The following KCTD12 variants were observed in gnomAD, a reference collection of about 807,000 sequenced individuals.
KCTD12 encodes potassium channel tetramerization domain containing 12, also known as BTB/POZ domain-containing protein KCTD12.
A neutral mutation model predicts 22.6 loss-of-function variants in KCTD12; 16 were observed. The ratio of observed to expected loss-of-function variants is 0.71; its 90% CI spans 0.48 to 1.07. The LOEUF (loss-of-function observed/expected upper bound fraction) is 1.07. Among genes scored for constraint, KCTD12 ranks in the 50% least tolerant of loss-of-function variants. The pLI, the probability that KCTD12 is intolerant of heterozygous loss-of-function variation, is 0.00. For synonymous variants in KCTD12, 260 were observed against 228.0 expected, an observed-to-expected ratio of 1.14 and a Z score of -1.26; for missense variants, 452 against 469.2, an observed-to-expected ratio of 0.96 and a Z score of 0.34.
At position 76,883,721 on chromosome 13, in the gene KCTD12, A is replaced by C. The variant is rs1011977889; in HGVS notation, c.*1450T>G. The C allele has an allele frequency of 6.6e-6, 1 of 152,658 alleles. No individual in the cohort carries two copies. The highest frequency in any genetic ancestry group is 1.5e-5 in the Non-Finnish European group (1 of 68,048). 9.5% of individuals were successfully genotyped at this position (152,658 alleles called of 1,614,324 possible). A position where few individuals can be genotyped will look rare whatever the true frequency, so the allele number is the denominator to read the frequency against. ...ACTTAACTTCAAACAAACTGCATGA[A>C]AGTGGCATTTTCAGGTTTTCAGGTT... is the stretch of plus-strand genomic sequence containing the variant. On this transcript the variant is annotated 3_prime_UTR_variant, in exon 1 of 1. Coordinates refer to ENST00000377474, the MANE Select transcript of KCTD12 (RefSeq NM_138444.4).
chr13:76,885,214 T>G lies in KCTD12; in HGVS notation c.935A>C (p.Lys312Thr), dbSNP rs1490137214. The change falls in exon 1 of 1, where the codon AAG becomes ACG. Residue 312 changes from lysine to threonine, a missense_variant. Physicochemically the swap from Lys to Thr is moderately conservative, Grantham distance 78 (BLOSUM62 -1). Around this residue, in one of 2 missense-constraint regions of KCTD12, gnomAD observed 122 missense variants for 172.8 expected, o/e 0.71. Coordinates refer to ENST00000377474, the MANE Select transcript of KCTD12 (RefSeq NM_138444.4). This position sits in a 1 kb window ranked among gnomAD's most constrained non-coding sequence, Gnocchi z 5.1. ...GTACTCGGTGTAGCTGGTCCAGATC[T>G]TGTCCTCGCTCTGGTCGGTGCTGCT... is the stretch of plus-strand genomic sequence containing the variant. ...FASSTDQSED[K>T]IWTSYTEYVF... 6.2e-7 allele frequency: 1 copy of G among 1,614,082 alleles called. No individual in the cohort carries two copies. Among genetic ancestry groups the G allele is most frequent in the South Asian group, 1.1e-5 (1 of 91,070 alleles).
Position 76,885,053 on chromosome 13 carries a change from TGGAGG to T in KCTD12, c.*113_*117del. On this transcript the variant is annotated 3_prime_UTR_variant, in exon 1 of 1. Coordinates refer to ENST00000377474, the MANE Select transcript of KCTD12 (RefSeq NM_138444.4). This position sits in a 1 kb window ranked among gnomAD's most constrained non-coding sequence, Gnocchi z 5.1. ...CGGACAGGTCTCACCCAGCTACTAC[TGGAGG>T]GGGAGAATGGGAGGGCAGCAGCCAG... 1 of 1,166,736 alleles carries T rather than the reference TGGAGG, an allele frequency of 8.6e-7. No individual in the cohort carries two copies. The highest frequency in any genetic ancestry group is 1.2e-6 in the Non-Finnish European group (1 of 832,956). 72.3% of individuals were successfully genotyped at this position (1,166,736 alleles called of 1,614,324 possible).
chr13:76,885,271 G>A lies in KCTD12; in HGVS notation c.878C>T (p.Ala293Val). 1.2e-6 allele frequency: 2 copies of A among 1,613,992 alleles called. No homozygotes were observed. The highest frequency in any genetic ancestry group is 8.5e-7 in the Non-Finnish European group (1 of 1,179,998). Residue 293 changes from alanine (A) to valine (V), a missense_variant, in exon 1 of 1, where the codon GCG becomes GTG. Ala to Val is a moderately conservative substitution (Grantham distance 64). Transcript: ENST00000377474. This position sits in a 1 kb window ranked among gnomAD's most constrained non-coding sequence, Gnocchi z 5.1. Reference sequence around the variant, plus strand: ...GGCGCAGGTGCCCGTGGAGCTGCACGCCACCATGTGGAAGCCCGACTCGGA... The same window carrying A: ...GGCGCAGGTGCCCGTGGAGCTGCACACCACCATGTGGAAGCCCGACTCGGA... ...KLSESGFHMV[A>V]CSSTGTCAFA... is the part of the protein sequence containing the mutation.
chr13:76,886,267 G>GCCGCCGCCGCCACCGCCGCCA lies in KCTD12; in HGVS notation c.-140_-120dup, dbSNP rs1194468084. 8.6e-7 allele frequency: 1 copy of GCCGCCGCCGCCACCGCCGCCA among 1,168,240 alleles called. No homozygotes were observed. The highest frequency in any genetic ancestry group is 1.1e-6 in the Non-Finnish European group (1 of 915,394). The allele number at this position is 1,168,240 out of a possible 1,614,324, so 72.4% of individuals were successfully genotyped here. ...TCGCTCAGCCCTGCGCCCCGCCGCC[G>GCCGCCGCCGCCACCGCCGCCA]CCGCCGCCGCCACCGCCGCCACCGC... On this transcript the variant is annotated 5_prime_UTR_variant, in exon 1 of 1. Transcript: ENST00000377474.
chr13:76,885,615 C>T lies in KCTD12; in HGVS notation c.534G>A (p.Thr178=). The T allele has an allele frequency of 6.6e-7, 1 of 1,504,808 alleles. No individual in the cohort carries two copies. The highest frequency in any genetic ancestry group is 8.8e-7 in the Non-Finnish European group (1 of 1,137,872). 93.2% of individuals were successfully genotyped at this position (1,504,808 alleles called of 1,614,324 possible). A position where few individuals can be genotyped will look rare whatever the true frequency, so the allele number is the denominator to read the frequency against. The part of the protein sequence containing the change: ...EGASAGAPSP[T]LELASRSPSG... The stretch of plus-strand genomic sequence containing the variant: ...ACGGACTGCGGCTAGCCAGCTCCAG[C>T]GTGGGCGACGGCGCCCCGGCAGAGG... Residue 178 remains threonine, a synonymous_variant, in exon 1 of 1, where the codon ACG becomes ACA. Transcript: ENST00000377474. This position sits in a 1 kb window ranked among gnomAD's most constrained non-coding sequence, Gnocchi z 5.1.
rs1200717268 is a variant in KCTD12 at position 76,886,279 on chromosome 13, ACCGCCG to A, written c.-137_-132del. ...GCGCCCCGCCGCCGCCGCCGCCGCC[ACCGCCG>A]CCACCGCCACCGCCGCCACCTCCTA... On this transcript the variant is annotated 5_prime_UTR_variant, in exon 1 of 1. Transcript: ENST00000377474. 1.9e-4 allele frequency: 192 copies of A among 1,030,730 alleles called. No individual in the cohort carries two copies. The East Asian group carries it at 3.1e-3, about 17-fold the overall frequency. The allele number at this position is 1,030,730 out of a possible 1,614,324, so 63.8% of individuals were successfully genotyped here. A position where few individuals can be genotyped will look rare whatever the true frequency, so the allele number is the denominator to read the frequency against.
chr13:76,886,273 G>GCCGCCGCCGCCA lies in KCTD12; in HGVS notation c.-126_-125insTGGCGGCGGCGG. 9.4e-7 allele frequency: 1 copy of GCCGCCGCCGCCA among 1,068,426 alleles called. No individual in the cohort carries two copies. Among genetic ancestry groups the GCCGCCGCCGCCA allele is most frequent in the Admixed American group, 4.5e-5 (1 of 22,374 alleles). The allele number at this position is 1,068,426 out of a possible 1,614,324, so 66.2% of individuals were successfully genotyped here. On this transcript the variant is annotated 5_prime_UTR_variant, in exon 1 of 1. Coordinates refer to ENST00000377474, the MANE Select transcript of KCTD12 (RefSeq NM_138444.4). ...AGCCCTGCGCCCCGCCGCCGCCGCCGCCGCCACCGCCGCCACCGCCACCGC... is the reference window on the plus strand; with the variant it reads ...AGCCCTGCGCCCCGCCGCCGCCGCCGCCGCCGCCGCCACCGCCACCGCCGCCACCGCCACCGC...
chr13:76,885,104 G>T lies in KCTD12; in HGVS notation c.*67C>A. On this transcript the variant is annotated 3_prime_UTR_variant, in exon 1 of 1. Transcript: ENST00000377474. This position sits in a 1 kb window ranked among gnomAD's most constrained non-coding sequence, Gnocchi z 5.1. ...GCCAGGGGACAAAGGTGGGACAAGA[G>T]GCTCTGTAATCATCTCTCGGGCAGG... 6.5e-7 allele frequency: 1 copy of T among 1,543,664 alleles called. No individual in the cohort carries two copies. The highest frequency in any genetic ancestry group is 1.2e-5 in the South Asian group (1 of 81,074).
rs1403751359 is a variant in KCTD12, at chr13:76,882,003, A to G, written c.*3168T>C. On this transcript the variant is annotated 3_prime_UTR_variant, in exon 1 of 1. Coordinates refer to ENST00000377474, the MANE Select transcript of KCTD12 (RefSeq NM_138444.4). The stretch of plus-strand genomic sequence containing the variant: ...GATTCATGCAGTGTTAATTATCTGA[A>G]TAATTTATGACATTCTCCCAGGTTA... 6.6e-6 allele frequency: 1 copy of G among 152,226 alleles called. No homozygotes were observed. The highest frequency in any genetic ancestry group is 1.5e-5 in the Non-Finnish European group (1 of 68,042). 9.4% of individuals were successfully genotyped at this position (152,226 alleles called of 1,614,324 possible). A position where few individuals can be genotyped will look rare whatever the true frequency, so the allele number is the denominator to read the frequency against.
rs1013925629 is a variant in KCTD12, at chr13:76,882,469, G to T, written c.*2702C>A. 6.6e-6 allele frequency: 1 copy of T among 152,166 alleles called. No individual in the cohort carries two copies. The highest frequency in any genetic ancestry group is 2.4e-5 in the African/African-American group (1 of 41,434). The allele number at this position is 152,166 out of a possible 1,614,324, so 9.4% of individuals were successfully genotyped here. ...CTCAAAGGTTTACAAGATAACATTT[G>T]TAAGACTTGAGTGACAGAGGCAAAA... On this transcript the variant is annotated 3_prime_UTR_variant, in exon 1 of 1. Transcript: ENST00000377474.
In KCTD12 at chr13:76,885,639, G is replaced by A. The variant is rs1406208880; in HGVS notation, c.510C>T (p.Ala170=). The part of the protein sequence containing the change: ...GYSEPEQQEG[A]SAGAPSPTLE... ...GCGTGGGCGACGGCGCCCCGGCAGA[G>A]GCGCCCTCCTGCTGTTCGGGCTCCG... is the stretch of plus-strand genomic sequence containing the variant. Residue 170 remains alanine (A), a synonymous_variant, in exon 1 of 1, where the codon GCC becomes GCT. Coordinates refer to ENST00000377474, the MANE Select transcript of KCTD12 (RefSeq NM_138444.4). The surrounding 1 kb of genome is among the most constrained non-coding windows in gnomAD (Gnocchi z 5.1). The A allele has an allele frequency of 4.7e-6, 7 of 1,496,380 alleles. No homozygotes were observed. In the African/African-American group the frequency reaches 8.6e-5, roughly 18 times the overall value. The allele number at this position is 1,496,380 out of a possible 1,614,324, so 92.7% of individuals were successfully genotyped here. A position where few individuals can be genotyped will look rare whatever the true frequency, so the allele number is the denominator to read the frequency against.
At position 76,880,202 on chromosome 13, in the gene KCTD12, G is replaced by T. The variant is rs2033188085; in HGVS notation, c.*4969C>A. 6.6e-6 allele frequency: 1 copy of T among 152,640 alleles called. No individual in the cohort carries two copies. Among genetic ancestry groups the T allele is most frequent in the South Asian group, 2.1e-4 (1 of 4,830 alleles). 9.5% of individuals were successfully genotyped at this position (152,640 alleles called of 1,614,324 possible). Reference sequence around the variant, plus strand: ...AAAGGAGTGAATGTTTTATTCTTTAGTGTTTAATTGAATACATAACAAGTC... The same window carrying T: ...AAAGGAGTGAATGTTTTATTCTTTATTGTTTAATTGAATACATAACAAGTC... On this transcript the variant is annotated 3_prime_UTR_variant, in exon 1 of 1. Transcript: ENST00000377474.
In KCTD12 at chr13:76,885,737, C is replaced by T; in HGVS notation, c.412G>A (p.Gly138Arg). The T allele has an allele frequency of 7.0e-7, 1 of 1,424,264 alleles. No homozygotes were observed. Among genetic ancestry groups the T allele is most frequent in the Non-Finnish European group, 9.1e-7 (1 of 1,102,804 alleles). 88.2% of individuals were successfully genotyped at this position (1,424,264 alleles called of 1,614,324 possible). Residue 138 changes from glycine to arginine, a missense_variant, in exon 1 of 1, where the codon GGG becomes AGG. Gly to Arg is a moderately radical substitution (Grantham distance 125). Around this residue, in one of 2 missense-constraint regions of KCTD12, gnomAD observed 330 missense variants for 296.5 expected, o/e 1.11. Transcript: ENST00000377474. This position sits in a 1 kb window ranked among gnomAD's most constrained non-coding sequence, Gnocchi z 5.1. Reference sequence around the variant, plus strand: ...ACCCCGCGCCGCGAGGGCGGCGGCCCCGGGCCGGGCTGCTGGGGCGCCCCG... The same window carrying T: ...ACCCCGCGCCGCGAGGGCGGCGGCCTCGGGCCGGGCTGCTGGGGCGCCCCG... Reference protein sequence around the residue: ...RLGAPQQPGPGPPPSRRGVHK... With the variant: ...RLGAPQQPGPRPPPSRRGVHK...
At position 76,884,840 on chromosome 13, in the gene KCTD12, C is replaced by G. The variant is rs2033243113; in HGVS notation, c.*331G>C. The G allele has an allele frequency of 3.2e-6, 1 of 311,044 alleles. No homozygotes were observed. Among genetic ancestry groups the G allele is most frequent in the African/African-American group, 2.1e-5 (1 of 46,856 alleles). The allele number at this position is 311,044 out of a possible 1,614,324, so 19.3% of individuals were successfully genotyped here. The stretch of plus-strand genomic sequence containing the variant: ...TCCCCCGGTCTGTGGCCACACTCCC[C>G]CAATAGATCCAAACTGAAGTACCAT... On this transcript the variant is annotated 3_prime_UTR_variant, in exon 1 of 1. Transcript: ENST00000377474.
chr13:76,885,360 CGGG>C lies in KCTD12; in HGVS notation c.786_788del (p.Pro263del). The C allele has an allele frequency of 6.2e-7, 1 of 1,613,712 alleles. No homozygotes were observed. On this transcript the variant is annotated inframe_deletion, in exon 1 of 1. Coordinates refer to ENST00000377474, the MANE Select transcript of KCTD12 (RefSeq NM_138444.4). This position sits in a 1 kb window ranked among gnomAD's most constrained non-coding sequence, Gnocchi z 5.1. Reference sequence around the variant, plus strand: ...GGTAATAGCGCGAGGTGTAGCGCTCCGGGGGACGGTCGGGGTCCCGGCTTTCGT... The same window carrying C: ...GGTAATAGCGCGAGGTGTAGCGCTCCGGACGGTCGGGGTCCCGGCTTTCGT...
Position 76,885,765 on chromosome 13 carries a change from G to A in KCTD12, c.384C>T (p.Arg128=). ...GGCCGGGCTGCTGGGGCGCCCCGAG[G>A]CGGCGCACGAGCTCTGGCAGCTCGA... ...EYFELPELVR[R]LGAPQQPGPG... Residue 128 remains arginine, a synonymous_variant, in exon 1 of 1, where the codon CGC becomes CGT. Coordinates refer to ENST00000377474, the MANE Select transcript of KCTD12 (RefSeq NM_138444.4). The surrounding 1 kb of genome is among the most constrained non-coding windows in gnomAD (Gnocchi z 5.1). 3 of 1,532,800 alleles carry A rather than the reference G, an allele frequency of 2.0e-6. No individual in the cohort carries two copies. In the South Asian group the frequency reaches 3.6e-5, roughly 18 times the overall value. The allele number at this position is 1,532,800 out of a possible 1,614,324, so 94.9% of individuals were successfully genotyped here.
Position 76,882,818 on chromosome 13 carries a change from C to T in KCTD12, c.*2353G>A, listed in dbSNP as rs569943553. 6.6e-6 allele frequency: 1 copy of T among 152,066 alleles called. No homozygotes were observed. The highest frequency in any genetic ancestry group is 1.5e-5 in the Non-Finnish European group (1 of 68,012). 9.4% of individuals were successfully genotyped at this position (152,066 alleles called of 1,614,324 possible). A position where few individuals can be genotyped will look rare whatever the true frequency, so the allele number is the denominator to read the frequency against. The stretch of plus-strand genomic sequence containing the variant: ...CTTCCATTTCGCCTAAAATTACAGG[C>T]TTTGTATATGAAGTCAATTTTACTT... On this transcript the variant is annotated 3_prime_UTR_variant, in exon 1 of 1. Coordinates refer to ENST00000377474, the MANE Select transcript of KCTD12 (RefSeq NM_138444.4).
rs773765515 is a variant in KCTD12 at position 76,885,696 on chromosome 13, C to T, written c.453G>A (p.Ser151=). ...CAAGCGGCAGCAGCTCGTCACCCAG[C>T]GAGCCCTCCTTGTGCACCCCGCGCC... ...PSRRGVHKEG[S]LGDELLPLGY... The change falls in exon 1 of 1, where the codon TCG becomes TCA. Residue 151 remains serine, a synonymous_variant. Coordinates refer to ENST00000377474, the MANE Select transcript of KCTD12 (RefSeq NM_138444.4). This position sits in a 1 kb window ranked among gnomAD's most constrained non-coding sequence, Gnocchi z 5.1. 1.4e-6 allele frequency: 2 copies of T among 1,438,170 alleles called. No individual in the cohort carries two copies. The highest frequency in any genetic ancestry group is 1.8e-6 in the Non-Finnish European group (2 of 1,109,508). 89.1% of individuals were successfully genotyped at this position (1,438,170 alleles called of 1,614,324 possible).
rs1202934734 is a variant in KCTD12, at chr13:76,885,664, G to A, written c.485C>T (p.Ser162Leu). 6 of 1,470,510 alleles carry A rather than the reference G, an allele frequency of 4.1e-6. No individual in the cohort carries two copies. Among genetic ancestry groups the A allele is most frequent in the South Asian group, 1.4e-5 (1 of 72,834 alleles). The allele number at this position is 1,470,510 out of a possible 1,614,324, so 91.1% of individuals were successfully genotyped here. A position where few individuals can be genotyped will look rare whatever the true frequency, so the allele number is the denominator to read the frequency against. ...LGDELLPLGYSEPEQQEGASA... is the reference protein window; with the variant it reads ...LGDELLPLGYLEPEQQEGASA... The stretch of plus-strand genomic sequence containing the variant: ...GGCGCCCTCCTGCTGTTCGGGCTCC[G>A]AGTAGCCAAGCGGCAGCAGCTCGTC... The change falls in exon 1 of 1, where the codon TCG (serine) becomes TTG (leucine). Residue 162 changes from serine (S) to leucine (L), a missense_variant. Physicochemically the swap from Ser to Leu is moderately radical, Grantham distance 145. Transcript: ENST00000377474. This position sits in a 1 kb window ranked among gnomAD's most constrained non-coding sequence, Gnocchi z 5.1.
Sources: allele counts gnomAD v4.1 joint callset, GRCh38; gene constraint gnomAD v4.1.1; regional missense constraint gnomAD v4.1.1; non-coding constraint Gnocchi (gnomAD v3.1); transcripts MANE v1.5; gene names NCBI Gene and HGNC (gene_info 2026-07-23, HGNC 2026-07-21).